The following LRRC9 variants were observed in gnomAD, a reference collection of about 807,000 sequenced individuals.
LRRC9 encodes leucine rich repeat containing 9.
A neutral mutation model predicts 63.2 loss-of-function variants in LRRC9; 122 were observed. That is an observed-to-expected ratio of 1.93 (90% CI 1.67 to 2.24). LRRC9 has a LOEUF of 2.24. Among genes scored for constraint, LRRC9 ranks in the 30% most tolerant of loss-of-function variants. LRRC9 has a pLI of 0.00. For synonymous variants in LRRC9, 366 were observed against 213.1 expected (o/e 1.72, Z -6.25); for missense variants, 1,071 against 627.7 (o/e 1.71, Z -7.55).
chr14:59,955,557 GGTCT>G (rs1379223108), intron 8 of LRRC9, among the ~76,000 whole-genome samples: 3 of 151,976 alleles, frequency 2.0e-5, no homozygotes, highest in East Asian at 1.9e-4. Flanking sequence ...TCTAGCTAGT[GGTCT>G]GTCTATGTTG....
chr14:59,920,150 TACACACCAGGCCTGGGGCGGG>T (rs1162621114), intron 1 of LRRC9: 1 of 152,238 alleles, frequency 6.6e-6, no homozygotes, highest in Non-Finnish European at 1.5e-5. Context: ...AGGCAGTCTG[TACACACCAGGCCTGGGGCGGG>T]AGAGGGTTTC....
chr14:59,951,811 C>T (rs1216861439), intron 8 of LRRC9, among the ~76,000 whole-genome samples: 10 of 152,238 alleles, frequency 6.6e-5, no homozygotes, highest in South Asian at 2.1e-4. Context: ...TTAGGCTGCT[C>T]GGGGGTCAGG....
At chr14:60,063,661 A>C, downstream of LRRC9, 1 of 314,952 alleles carries the variant, frequency 3.2e-6, no homozygotes, top group Non-Finnish European at 5.8e-6. Flanking sequence ...ACATGAAACA[A>C]AGTCCAGAGA....
At chr14:59,979,277 T>C (rs971606883) in intron 15 of LRRC9, among the ~76,000 whole-genome samples, 1 of 152,146 alleles carries the variant, frequency 6.6e-6, no homozygotes, top group African/African-American at 2.4e-5. Flanking sequence ...TCATTTATCT[T>C]ATATATGTTG....
chr14:59,967,162 G>C (rs745819140), exon 12 of LRRC9: 2 of 644,298 alleles, frequency 3.1e-6, no homozygotes, highest in South Asian at 3.4e-5. Context: ...TGAAGAAAAA[G>C]CATCTTCTAC....
chr14:60,025,596 T>C (rs960200878), intron 27 of LRRC9, among the ~76,000 whole-genome samples: 6 of 151,524 alleles, frequency 4.0e-5, no homozygotes, highest in Non-Finnish European at 2.9e-5. Context: ...ATGGAGTCAC[T>C]AGGCAAGGTG....
intron 26 of LRRC9, among the ~76,000 whole-genome samples, chr14:60,022,141 A>G (rs1344981472): frequency 2.0e-5 from 3 of 151,696 alleles, no homozygotes; most frequent in South Asian, 2.1e-4. Context: ...ATATTTCTCT[A>G]TTTATTTAGA....
rs1437576678 is a variant in LRRC9, at chr14:59,990,912, G to C, written c.2211+5688G>C. ...CCCACATGAATACCATGCAGGTCTT[G>C]TGTTGATGGTGGTTTATCTCTACCA... On this transcript the variant is annotated intron_variant, in intron 17 of 31. Coordinates refer to ENST00000445360, the Ensembl canonical transcript of LRRC9. The surrounding 1 kb of genome is among the most constrained non-coding windows in gnomAD (Gnocchi z 4.2). Among the ~76,000 whole-genome samples the C allele has an allele frequency of 6.6e-6, 1 of 152,204 alleles. No homozygotes were observed. Among genetic ancestry groups the C allele is most frequent in the Non-Finnish European group, 1.5e-5 (1 of 68,046 alleles).
At chr14:60,008,121 G>A in exon 23 of LRRC9, 1 of 701,280 alleles carries the variant, frequency 1.4e-6, no homozygotes, top group East Asian at 2.7e-5. Flanking sequence ...TTCTAGACAT[G>A]TGTGGGAACA....
chr14:60,008,528 C>T (rs1431664540), intron 23 of LRRC9, among the ~76,000 whole-genome samples: 1 of 152,090 alleles, frequency 6.6e-6, no homozygotes, highest in Non-Finnish European at 1.5e-5. Flanking sequence ...GGGGATTTAG[C>T]ATCCTCCTAA....
intron 15 of LRRC9, 89 bp downstream of exon 15, chr14:59,978,221 A>G: frequency 1.5e-6 from 1 of 648,520 alleles, no homozygotes. Context: ...TGCTATGTCA[A>G]GTTTATATTA....
At chr14:59,980,686 T>G (rs980132612) in intron 15 of LRRC9, among the ~76,000 whole-genome samples, 2 of 152,346 alleles carry the variant, frequency 1.3e-5, no homozygotes, top group Non-Finnish European at 2.9e-5. Flanking sequence ...TATATAGGTC[T>G]CCAACATTTC....
At chr14:59,982,629 T>G (rs1033652916) in intron 16 of LRRC9, among the ~76,000 whole-genome samples, 10 of 62,452 alleles carry the variant, frequency 1.6e-4, no homozygotes, top group African/African-American at 3.2e-4. Context: ...GCAGAGGGAG[T>G]AAGTTTCCAA....
At chr14:59,924,048 T>C (rs1219901374) in intron 1 of LRRC9, among the ~76,000 whole-genome samples, 1 of 152,224 alleles carries the variant, frequency 6.6e-6, no homozygotes, top group Non-Finnish European at 1.5e-5. Flanking sequence ...CCAGTGTATG[T>C]GATCATTTAG....
rs1357710337 is a variant in LRRC9 at position 60,004,721 on chromosome 14, A to C, written c.2842+923A>C. On this transcript the variant is annotated intron_variant, in intron 21 of 31. Transcript: ENST00000445360. This position sits in a 1 kb window ranked among gnomAD's most constrained non-coding sequence, Gnocchi z 4.8. The stretch of plus-strand genomic sequence containing the variant: ...CCAGCTTTATTTTATTCTTACCTTC[A>C]TTAGAAAGAAATTGAAAGAAGCTTT... 6.6e-6 allele frequency among the ~76,000 whole-genome samples: 1 copy of C among 152,042 alleles called. No individual in the cohort carries two copies. The highest frequency in any genetic ancestry group is 1.5e-5 in the Non-Finnish European group (1 of 67,942).
chr14:59,946,470 A>T (rs1014047699), intron 8 of LRRC9, among the ~76,000 whole-genome samples: 1 of 151,402 alleles, frequency 6.6e-6, no homozygotes, highest in Non-Finnish European at 1.5e-5. Context: ...ATATATTTTA[A>T]TGAATATGCT....
chr14:60,002,023 T>C (rs1198232843), exon 20 of LRRC9: 3 of 702,346 alleles, frequency 4.3e-6, no homozygotes, highest in South Asian at 1.5e-5. Context: ...ACTTAGTATA[T>C]GGCCTTCTGC....
intron 27 of LRRC9, among the ~76,000 whole-genome samples, chr14:60,026,078 T>C (rs1247142560): frequency 6.6e-6 from 1 of 152,010 alleles, no homozygotes; most frequent in African/African-American, 2.4e-5. Flanking sequence ...GCACTAAAAA[T>C]AGAAACTTTT....
intron 26 of LRRC9, among the ~76,000 whole-genome samples, chr14:60,021,640 T>C (rs1412227687): frequency 6.6e-6 from 1 of 151,880 alleles, no homozygotes; most frequent in Non-Finnish European, 1.5e-5. Context: ...CTATGGTCTA[T>C]TTTGAGTTAA....
Sources: gnomAD v4.1 joint callset for allele counts (sites outside exome capture counted in the v4.1 genomes callset) on GRCh38, gnomAD v4.1.1 for gene constraint, Gnocchi (gnomAD v3.1) non-coding constraint, MANE v1.5 for transcripts, NCBI Gene and HGNC (gene_info 2026-07-23, HGNC 2026-07-21) for gene names.